ZNF804A: variants seen among roughly 807,000 people sequenced by gnomAD.
ZNF804A encodes the protein zinc finger protein 804A.
ZNF804A carries 2 observed loss-of-function variants against 16.5 expected under a neutral mutation model. That is an observed-to-expected ratio of 0.12 (90% CI 0.05 to 0.38). ZNF804A has a LOEUF of 0.38. ZNF804A is among the 10% of genes least tolerant of loss of function. The probability of loss-of-function intolerance (pLI) is 0.99; values close to 1 mark genes in which losing one functional copy is unlikely to be tolerated. For synonymous variants in ZNF804A, 534 were observed against 489.6 expected (o/e 1.09, Z -1.20); for missense variants, 1,473 against 1,390.7 (o/e 1.06, Z -0.94).
chr2:184,756,719 T>C (rs1222364818), intron 1 of ZNF804A, among the ~76,000 whole-genome samples: 2 of 152,060 alleles, frequency 1.3e-5, no homozygotes, highest in Non-Finnish European at 2.9e-5. Flanking sequence ...TACATAGACA[T>C]TTAAATACAT....
At position 184,767,936 on chromosome 2, in the gene ZNF804A, A is replaced by G. The variant is rs115482437; in HGVS notation, c.112-98433A>G. On this transcript the variant is annotated intron_variant, in intron 1 of 3. Transcript: ENST00000302277. ...TCTTCAGTCATGTTTTATAGCTGCTATATGTAAGAAGCAACATTTTAAAAA... is the reference window on the plus strand; with the variant it reads ...TCTTCAGTCATGTTTTATAGCTGCTGTATGTAAGAAGCAACATTTTAAAAA... Among the ~76,000 whole-genome samples, 601 of 152,166 alleles carry G rather than the reference A, an allele frequency of 3.9e-3. 11 individuals carry two copies. Among genetic ancestry groups the G allele is most frequent in the African/African-American group, 0.013 (546 of 41,556 alleles).
chr2:184,823,809 A>G (rs1263766268), intron 1 of ZNF804A, among the ~76,000 whole-genome samples: 3 of 152,158 alleles, frequency 2.0e-5, no homozygotes, highest in African/African-American at 7.2e-5. Context: ...AAATATGTTT[A>G]CAATTATTAG....
chr2:184,758,392 G>T (rs1464255907), intron 1 of ZNF804A, among the ~76,000 whole-genome samples: 2 of 151,702 alleles, frequency 1.3e-5, no homozygotes, highest in Admixed American at 1.3e-4. Context: ...CACTACTTTA[G>T]GTGTTTTACA....
At position 184,778,448 on chromosome 2, in the gene ZNF804A, T is replaced by C. The variant is rs549720091; in HGVS notation, c.112-87921T>C. On this transcript the variant is annotated intron_variant, in intron 1 of 3. Coordinates refer to ENST00000302277, the MANE Select transcript of ZNF804A (RefSeq NM_194250.2). ...AAACCGACACATATGTATAAAGTGG[T>C]TATAAGAAAATAAAACCGGACAAGA... Among the ~76,000 whole-genome samples the C allele has an allele frequency of 1.4e-4, 21 of 151,580 alleles. No homozygotes were observed. The South Asian group carries it at 4.1e-3, about 30-fold the overall frequency.
At chr2:184,830,331 A>T (rs1695243711) in intron 1 of ZNF804A, among the ~76,000 whole-genome samples, 1 of 152,160 alleles carries the variant, frequency 6.6e-6, no homozygotes, top group African/African-American at 2.4e-5. Flanking sequence ...TCTAGCTTGA[A>T]ACAAGTTTTA....
chr2:184,621,893 C>T (rs1317215424), intron 1 of ZNF804A, among the ~76,000 whole-genome samples: 1 of 151,764 alleles, frequency 6.6e-6, no homozygotes, highest in South Asian at 2.1e-4. Context: ...AAAGAATTGA[C>T]TGCAATCTGC....
chr2:184,781,968 T>C (rs1694377997), intron 1 of ZNF804A, among the ~76,000 whole-genome samples: 2 of 151,864 alleles, frequency 1.3e-5, no homozygotes, highest in Admixed American at 1.3e-4. Flanking sequence ...CCCCTTGGTA[T>C]GCTGATGGCC....
chr2:184,677,160 A>G (rs924964047), intron 1 of ZNF804A, among the ~76,000 whole-genome samples: 2 of 151,956 alleles, frequency 1.3e-5, no homozygotes, highest in African/African-American at 2.4e-5. Context: ...ATGTGCTTAA[A>G]CTGTATAGGA....
intron 3 of ZNF804A, 127 bp from the exon 4 acceptor site, chr2:184,935,656 C>T: frequency 3.7e-6 from 4 of 1,085,038 alleles, no homozygotes; most frequent in African/African-American, 1.6e-5. Flanking sequence ...CATATGAAGG[C>T]AATTCTGTCA....
At chr2:184,661,196 A>C (rs1012278209) in intron 1 of ZNF804A, among the ~76,000 whole-genome samples, 3 of 152,132 alleles carry the variant, frequency 2.0e-5, no homozygotes, top group African/African-American at 7.2e-5. Flanking sequence ...CCATTTATTA[A>C]GTGAAAAGGA....
rs1283880726 is a variant in ZNF804A at position 184,938,508 on chromosome 2, C to T, written c.3112C>T (p.Leu1038=). Residue 1038 remains leucine, a synonymous_variant, in exon 4 of 4, where the codon CTA becomes TTA. Coordinates refer to ENST00000302277, the MANE Select transcript of ZNF804A (RefSeq NM_194250.2). ...ACCAGAGCAAGCATTATTGATCCCA[C>T]TAGAAAACCATGACAAATTCAAAAA... ...ALPEQALLIP[L]ENHDKFKNVP... is the part of the protein sequence containing the mutation. The T allele has an allele frequency of 1.9e-6, 3 of 1,613,980 alleles. No individual in the cohort carries two copies. Among genetic ancestry groups the T allele is most frequent in the Non-Finnish European group, 2.5e-6 (3 of 1,180,026 alleles).
chr2:184,674,966 A>G (rs1574157153), intron 1 of ZNF804A, among the ~76,000 whole-genome samples: 1 of 151,964 alleles, frequency 6.6e-6, no homozygotes, highest in East Asian at 1.9e-4. Flanking sequence ...GTCCATACCT[A>G]CACACCAGAT....
intron 1 of ZNF804A, among the ~76,000 whole-genome samples, chr2:184,861,233 A>G (rs913179697): frequency 1.3e-5 from 2 of 152,104 alleles, no homozygotes; most frequent in Non-Finnish European, 2.9e-5. Flanking sequence ...ATATCTCTCC[A>G]TGCTTTCTTG....
At chr2:184,693,495 A>G (rs1692766383) in intron 1 of ZNF804A, among the ~76,000 whole-genome samples, 1 of 152,198 alleles carries the variant, frequency 6.6e-6, no homozygotes, top group African/African-American at 2.4e-5. Context: ...ACATTTCTCC[A>G]TAGCCCCATT....
chr2:184,779,994 A>G (rs1026514103), intron 1 of ZNF804A, among the ~76,000 whole-genome samples: 8 of 151,790 alleles, frequency 5.3e-5, no homozygotes, highest in Non-Finnish European at 7.4e-5. Context: ...TTTTTGTATT[A>G]GATACCATGG....
At chr2:184,708,004 A>T (rs554283093) in intron 1 of ZNF804A, among the ~76,000 whole-genome samples, 1 of 152,058 alleles carries the variant, frequency 6.6e-6, no homozygotes, top group East Asian at 1.9e-4. Context: ...ATGGTATCTC[A>T]TTGTGGCTTT....
At chr2:184,893,452 T>C (rs995317113) in intron 2 of ZNF804A, among the ~76,000 whole-genome samples, 10 of 152,108 alleles carry the variant, frequency 6.6e-5, no homozygotes, top group African/African-American at 2.4e-4. Flanking sequence ...AAGTATATCA[T>C]ATAATCATTT....
intron 1 of ZNF804A, among the ~76,000 whole-genome samples, chr2:184,778,188 A>C (rs1235029247): frequency 6.6e-6 from 1 of 151,496 alleles, no homozygotes; most frequent in East Asian, 1.9e-4. Flanking sequence ...GAAGCTTTTG[A>C]CATGCACAAA....
At chr2:184,853,003 G>T (rs901514901) in intron 1 of ZNF804A, among the ~76,000 whole-genome samples, 2 of 151,464 alleles carry the variant, frequency 1.3e-5, no homozygotes, top group Non-Finnish European at 3.0e-5. Context: ...GTATAATAGA[G>T]GTGCCATTTA....
Sources: allele counts gnomAD v4.1 joint callset (sites outside exome capture counted in the v4.1 genomes callset), GRCh38; gene constraint gnomAD v4.1.1; transcripts MANE v1.5; gene names NCBI Gene and HGNC (gene_info 2026-07-23, HGNC 2026-07-21).